CUL2: variants seen among roughly 807,000 people sequenced by gnomAD.
CUL2 encodes the protein cullin 2, also known as cullin-2.
In CUL2, 22 loss-of-function variants were observed where a neutral mutation model predicts 110.2. The ratio of observed to expected loss-of-function variants is 0.20; its 90% CI spans 0.14 to 0.28. The LOEUF is 0.28. Ranked by LOEUF, CUL2 falls within the 10% of genes least tolerant of loss-of-function variation. The probability of loss-of-function intolerance (pLI) is 1.00; values close to 1 mark genes in which losing one functional copy is unlikely to be tolerated. For synonymous variants in CUL2, 279 were observed against 293.2 expected (o/e 0.95, Z 0.49); for missense variants, 631 against 905.5 (o/e 0.70, Z 3.89).
intron 9 of CUL2, among the ~76,000 whole-genome samples, chr10:35,036,744 C>T (rs2085630821): frequency 6.6e-6 from 1 of 151,920 alleles, no homozygotes. Flanking sequence ...GTTTTAATGG[C>T]TTTTTTTGAG....
At chr10:35,035,431 T>C in intron 9 of CUL2, 135 bp from the exon 10 acceptor site, 1 of 800,838 alleles carries the variant, frequency 1.2e-6, no homozygotes. Flanking sequence ...CATGCCCACC[T>C]CCCAGCCACC....
chr10:35,115,585 A>T (rs946138787), intron 1 of CUL2, among the ~76,000 whole-genome samples: 5 of 151,928 alleles, frequency 3.3e-5, no homozygotes, highest in Non-Finnish European at 5.9e-5. Flanking sequence ...CAAGGGAGAT[A>T]AATTAATTAA....
chr10:35,036,458 G>T (rs2085623021), intron 9 of CUL2, among the ~76,000 whole-genome samples: 1 of 152,072 alleles, frequency 6.6e-6, no homozygotes, highest in South Asian at 2.1e-4. Flanking sequence ...AAAGCTGGGG[G>T]GTGGTTATAT....
At chr10:35,086,701 C>T (rs1220005340) in intron 1 of CUL2, among the ~76,000 whole-genome samples, 1 of 152,060 alleles carries the variant, frequency 6.6e-6, no homozygotes, top group Admixed American at 6.6e-5. Flanking sequence ...GCCTGGGTGA[C>T]AGAGCGAACA....
At position 35,071,397 on chromosome 10, in the gene CUL2, G is replaced by T. The variant is rs1191336370; in HGVS notation, c.-22-58C>A. ...ATAATTCCATGAGCTTAGTTTTTTT[G>T]TTGTTGTTTTTTGTTTGTTTGCTTT... On this transcript the variant is annotated intron_variant, in intron 1 of 20. Coordinates refer to ENST00000374749, the MANE Select transcript of CUL2 (RefSeq NM_003591.4). The T allele has an allele frequency of 2.7e-6, 4 of 1,483,796 alleles. No individual in the cohort carries two copies. In the Admixed American group the frequency reaches 7.3e-5, roughly 27 times the overall value. The allele number at this position is 1,483,796 out of a possible 1,614,324, so 91.9% of individuals were successfully genotyped here.
chr10:35,039,030 G>C lies in CUL2; in HGVS notation c.767C>G (p.Pro256Arg). The C allele has an allele frequency of 6.2e-7, 1 of 1,606,470 alleles. No individual in the cohort carries two copies. Among genetic ancestry groups the C allele is most frequent in the South Asian group, 1.1e-5 (1 of 90,026 alleles). Residue 256 changes from proline to arginine, a missense_variant, in exon 9 of 21, where the codon CCA becomes CGA. Coordinates refer to ENST00000374749, the MANE Select transcript of CUL2 (RefSeq NM_003591.4). ...EEIRCRKYLH[P>R]SSYTKVIHEC... ...ATGAATCACCTTAGTATATGAACTTGGATGTAGGTATTTTCGACATCGAAT... is the reference window on the plus strand; with the variant it reads ...ATGAATCACCTTAGTATATGAACTTCGATGTAGGTATTTTCGACATCGAAT...
rs2087399220 is a variant in CUL2, at chr10:35,102,666, T to C, written c.-50-1606A>G. On this transcript the variant is annotated intron_variant, in intron 1 of 5. Transcript: ENST00000685421. ...TTGAGAGACCGAGGCGGGTGGATCA[T>C]GAGGTCAGGAGTTCAAGACCAGCCT... 2.0e-5 allele frequency among the ~76,000 whole-genome samples: 3 copies of C among 152,098 alleles called. No individual in the cohort carries two copies. In the South Asian group the frequency reaches 6.2e-4, roughly 32 times the overall value.
At chr10:35,088,618 G>A (rs1195964026) in intron 1 of CUL2, among the ~76,000 whole-genome samples, 1 of 151,392 alleles carries the variant, frequency 6.6e-6, no homozygotes, top group African/African-American at 2.4e-5. Flanking sequence ...TCAACTGCCA[G>A]ACAACGCAAA....
Position 35,056,414 on chromosome 10 carries a change from C to T in CUL2, c.318-1875G>A, listed in dbSNP as rs140809447. ...CCTAAGCATTTTATGTGGCTGAATACTATAAGACAGATGTATGTGGTACTC... is the reference window on the plus strand; with the variant it reads ...CCTAAGCATTTTATGTGGCTGAATATTATAAGACAGATGTATGTGGTACTC... On this transcript the variant is annotated intron_variant, in intron 4 of 20. Transcript: ENST00000374749. Among the ~76,000 whole-genome samples, 297 of 152,266 alleles carry T rather than the reference C, an allele frequency of 2.0e-3. 2 individuals carry two copies. The highest frequency in any genetic ancestry group is 0.01 in the Middle Eastern group (3 of 294).
intron 16 of CUL2, among the ~76,000 whole-genome samples, chr10:35,026,833 T>A (rs577678344): frequency 6.6e-6 from 1 of 152,254 alleles, no homozygotes; most frequent in East Asian, 1.9e-4. Flanking sequence ...TTTATTTTTT[T>A]AAATTTTATT....
intron 17 of CUL2, among the ~76,000 whole-genome samples, chr10:35,020,945 ATTC>A (rs2085164138): frequency 7.2e-6 from 1 of 138,230 alleles, no homozygotes; most frequent in African/African-American, 2.7e-5. Flanking sequence ...AGTCCTATTC[ATTC>A]TTTTTATTTT....
At chr10:35,070,391 AG>A (rs1485738792) in intron 2 of CUL2, among the ~76,000 whole-genome samples, 4 of 152,200 alleles carry the variant, frequency 2.6e-5, no homozygotes, top group African/African-American at 9.7e-5. Flanking sequence ...CAACTGAATT[AG>A]GCATTCAGAA....
chr10:35,035,268 A>G lies in CUL2; in HGVS notation c.906T>C (p.Arg302=), dbSNP rs761115604. 2 of 1,614,198 alleles carry G rather than the reference A, an allele frequency of 1.2e-6. No individual in the cohort carries two copies. Among genetic ancestry groups the G allele is most frequent in the East Asian group, 2.2e-5 (1 of 44,886 alleles). The change falls in exon 10 of 21, where the codon CGT becomes CGC. Residue 302 remains arginine, a synonymous_variant. Coordinates refer to ENST00000374749, the MANE Select transcript of CUL2 (RefSeq NM_003591.4). ...NDMANMYVLL[R]AVSTGLPHMI... ...TATGAGGTAAACCAGTGGACACAGC[A>G]CGGAGTAAGACGTACATATTTGCCA...
chr10:35,061,088 C>T, intron 3 of CUL2, 120 bp from the exon 4 acceptor site: 1 of 1,083,496 alleles, frequency 9.2e-7, no homozygotes, highest in Non-Finnish European at 1.3e-6. Context: ...GTACAAATTA[C>T]ATTTACACAA....
chr10:35,057,601 C>A (rs1319730736), intron 4 of CUL2, among the ~76,000 whole-genome samples: 1 of 144,320 alleles, frequency 6.9e-6, no homozygotes, highest in Non-Finnish European at 1.5e-5. Context: ...TGCAGTGAGC[C>A]GAGATCGTGC....
chr10:35,015,140 A>G (rs1167497983), intron 18 of CUL2, among the ~76,000 whole-genome samples: 1 of 151,854 alleles, frequency 6.6e-6, no homozygotes, highest in African/African-American at 2.4e-5. Flanking sequence ...CTAAAAATAC[A>G]AAATTAGCTG....
chr10:35,032,760 A>T (rs1255894910), intron 11 of CUL2, among the ~76,000 whole-genome samples: 7 of 151,720 alleles, frequency 4.6e-5, no homozygotes, highest in Non-Finnish European at 8.8e-5. Flanking sequence ...AACGTTACTT[A>T]AAAAAAAACT....
rs998125395 is a variant in CUL2, at chr10:35,031,218, C to A, written c.1386+82G>T. The A allele has an allele frequency of 1.2e-6, 1 of 843,908 alleles. No homozygotes were observed. 52.3% of individuals were successfully genotyped at this position (843,908 alleles called of 1,614,324 possible). ...TAACCAGATGAATTGTTTCCTGTTA[C>A]TGTACACAATGCTGCAATGAACATC... On this transcript the variant is annotated intron_variant, in intron 14 of 20. Coordinates refer to ENST00000374749, the MANE Select transcript of CUL2 (RefSeq NM_003591.4). The surrounding 1 kb of genome is among the most constrained non-coding windows in gnomAD (Gnocchi z 4.4).
chr10:35,049,547 A>G, intron 6 of CUL2, 136 bp downstream of exon 6: 2 of 551,438 alleles, frequency 3.6e-6, no homozygotes, highest in Non-Finnish European at 6.3e-6. Flanking sequence ...AAATGCTGGC[A>G]TTGGAAGTAA....
Sources: allele counts gnomAD v4.1 joint callset (sites outside exome capture counted in the v4.1 genomes callset), GRCh38; gene constraint gnomAD v4.1.1; non-coding constraint Gnocchi (gnomAD v3.1); transcripts MANE v1.5; gene names NCBI Gene and HGNC (gene_info 2026-07-23, HGNC 2026-07-21).